The following SNED1 variants were observed in gnomAD, a reference collection of about 807,000 sequenced individuals.
SNED1 encodes the protein sushi, nidogen and EGF like domains 1, also known as sushi, nidogen and EGF-like domain-containing protein 1.
In SNED1, 81 loss-of-function variants were observed where a neutral mutation model predicts 166.7. The ratio of observed to expected loss-of-function variants is 0.49; its 90% CI spans 0.41 to 0.58. The LOEUF (loss-of-function observed/expected upper bound fraction) is 0.58. Among genes scored for constraint, SNED1 ranks in the 20% least tolerant of loss-of-function variants. The probability of loss-of-function intolerance (pLI) is 0.00; values close to 1 mark genes in which losing one functional copy is unlikely to be tolerated. For missense variants in SNED1, 1,604 were observed against 2,000.2 expected (o/e 0.80, Z 3.78); for synonymous variants, 762 against 822.0 (o/e 0.93, Z 1.25).
At chr2:241,040,603 A>G (rs546275903) in intron 8 of SNED1, among the ~76,000 whole-genome samples, 190 bp downstream of exon 8, 5 of 152,198 alleles carry the variant, frequency 3.3e-5, no homozygotes, top group South Asian at 2.1e-4. Flanking sequence ...TAAGCCACCA[A>G]CTGCAGGGAA....
chr2:241,071,599 C>A lies in SNED1; in HGVS notation c.3613C>A (p.Arg1205Ser), dbSNP rs528746195. 4 of 1,588,384 alleles carry A rather than the reference C, an allele frequency of 2.5e-6. No individual in the cohort carries two copies. Among genetic ancestry groups the A allele is most frequent in the East Asian group, 4.5e-5 (2 of 44,220 alleles). Residue 1205 changes from arginine to serine, a missense_variant, in exon 25 of 32, where the codon CGC (arginine) becomes AGC (serine). By Grantham distance (110) the Arg-to-Ser change is moderately radical (BLOSUM62 -1). Transcript: ENST00000310397. ...AGCCCCCAGGGATGGCGCTGACAGA[C>A]GCTGGCACCAGGGAGGACACCACCC... Reference protein sequence around the residue: ...ITSPRDGADRRWHQGGHHPRV... With the variant: ...ITSPRDGADRSWHQGGHHPRV...
chr2:241,042,696 A>G (rs1480627867), intron 8 of SNED1, among the ~76,000 whole-genome samples: 1 of 152,132 alleles, frequency 6.6e-6, no homozygotes. Context: ...AAACTTGTAG[A>G]AATGAAAAAT....
At chr2:241,002,106 C>T (rs2060094030) in intron 1 of SNED1, among the ~76,000 whole-genome samples, 1 of 152,160 alleles carries the variant, frequency 6.6e-6, no homozygotes, top group African/African-American at 2.4e-5. Context: ...CAGCCTGTGA[C>T]CTTTGCCTGG....
At chr2:241,057,439 A>T (rs112223395) in intron 16 of SNED1, among the ~76,000 whole-genome samples, 1 of 142,760 alleles carries the variant, frequency 7.0e-6, no homozygotes, top group Non-Finnish European at 1.5e-5. Context: ...CACACATATA[A>T]TGGGAGGTCA....
chr2:241,009,947 G>A (rs1472242820), intron 1 of SNED1: 2 of 152,266 alleles, frequency 1.3e-5, no homozygotes, highest in Admixed American at 1.3e-4. Context: ...CAGCCCCGGA[G>A]GCCCTGCCCA....
intron 30 of SNED1, 107 bp from the exon 31 acceptor site, chr2:241,088,258 T>A (rs1014194386): frequency 1.6e-5 from 13 of 799,838 alleles, no homozygotes; most frequent in Non-Finnish European, 2.9e-5. Flanking sequence ...GTGGAATGTA[T>A]GTGAGCTAAA....
chr2:241,027,969 G>A (rs183638480), intron 1 of SNED1, among the ~76,000 whole-genome samples: 2,146 of 152,074 alleles, frequency 0.014, 22 homozygotes, highest in Non-Finnish European at 0.015. Context: ...TCCTGACCTC[G>A]TGATCCACCC....
At chr2:241,023,887 C>CTTTT (rs2060846825) in intron 1 of SNED1, among the ~76,000 whole-genome samples, 7 of 71,616 alleles carry the variant, frequency 9.8e-5, no homozygotes, top group East Asian at 5.0e-4. Flanking sequence ...CTTTTTTTTT[C>CTTTT]CTTTTTTTTT....
chr2:241,016,284 AC>A (rs1221332821), intron 1 of SNED1, among the ~76,000 whole-genome samples: 3 of 145,380 alleles, frequency 2.1e-5, no homozygotes, highest in Non-Finnish European at 4.5e-5. Context: ...AAGCTCCACC[AC>A]CCGGGGTTCA....
intron 1 of SNED1, among the ~76,000 whole-genome samples, chr2:241,014,288 C>G (rs1008793593): frequency 1.3e-5 from 2 of 152,170 alleles, no homozygotes; most frequent in Admixed American, 6.5e-5. Context: ...AGCCACCATG[C>G]CAGGCCTAGA....
At chr2:241,053,729 C>T (rs1427274599) in intron 16 of SNED1, among the ~76,000 whole-genome samples, 1 of 152,186 alleles carries the variant, frequency 6.6e-6, no homozygotes, top group African/African-American at 2.4e-5. Context: ...ATCCCCCTTC[C>T]CCCTGCAGGC....
At position 240,999,551 on chromosome 2, in the gene SNED1, A is replaced by T. The variant is rs2060012386; in HGVS notation, c.213+501A>T. Among the ~76,000 whole-genome samples the T allele has an allele frequency of 6.6e-6, 1 of 152,186 alleles. No homozygotes were observed. The highest frequency in any genetic ancestry group is 1.5e-5 in the Non-Finnish European group (1 of 68,004). On this transcript the variant is annotated intron_variant, in intron 1 of 31. Coordinates refer to ENST00000310397, the MANE Select transcript of SNED1 (RefSeq NM_001080437.3). This position sits in a 1 kb window ranked among gnomAD's most constrained non-coding sequence, Gnocchi z 5.8. ...GGCTGGACCCCTTGCCCAGGCGCTC[A>T]GGGCAGGGCCTGCTTCTTCGCTGAC... is the stretch of plus-strand genomic sequence containing the variant.
At chr2:241,072,602 G>C (rs2062786884) in intron 26 of SNED1, 1 of 266,998 alleles carries the variant, frequency 3.7e-6, no homozygotes, top group African/African-American at 2.3e-5. Context: ...GGGAAATGCA[G>C]CAAGGAGAGT....
rs1458063810 is a variant in SNED1, at chr2:241,094,419, G to GT, written c.*2784dup. ...AAGTCTTTTTCTTTGCAGTCACGCT[G>GT]TAAGACGAGGCTGCTGGAGAAAACA... is the stretch of plus-strand genomic sequence containing the variant. On this transcript the variant is annotated 3_prime_UTR_variant, in exon 32 of 32. Transcript: ENST00000310397. This position sits in a 1 kb window ranked among gnomAD's most constrained non-coding sequence, Gnocchi z 4.3. 2.1e-6 allele frequency: 1 copy of GT among 471,232 alleles called. No individual in the cohort carries two copies. The highest frequency in any genetic ancestry group is 2.3e-5 in the Admixed American group (1 of 42,572). 29.2% of individuals were successfully genotyped at this position (471,232 alleles called of 1,614,324 possible).
At chr2:241,042,110 C>G (rs1277460362) in intron 8 of SNED1, among the ~76,000 whole-genome samples, 1 of 152,062 alleles carries the variant, frequency 6.6e-6, no homozygotes, top group African/African-American at 2.4e-5. Context: ...GACAAAGATC[C>G]TAGTTCAGTG....
chr2:241,024,941 T>C (rs2060908551), intron 1 of SNED1, among the ~76,000 whole-genome samples: 1 of 152,206 alleles, frequency 6.6e-6, no homozygotes, highest in South Asian at 2.1e-4. Flanking sequence ...CCCAAAGTGT[T>C]GGGATTACAG....
chr2:241,021,961 CAGGTGAAA>C, intron 1 of SNED1, among the ~76,000 whole-genome samples: 1 of 132,376 alleles, frequency 7.6e-6, no homozygotes, highest in East Asian at 2.0e-4. Flanking sequence ...GCCATCCTGC[CAGGTGAAA>C]AGTGGTATCT....
In SNED1 at chr2:241,056,170, A is replaced by G. The variant is rs530474161; in HGVS notation, c.2257+2844A>G. Among the ~76,000 whole-genome samples the G allele has an allele frequency of 3.9e-5, 6 of 152,366 alleles. No individual in the cohort carries two copies. In the South Asian group the frequency reaches 1.2e-3, roughly 32 times the overall value. ...ATGAAAAATTTTCTTTATGTTAAAGAAAAACGAGAGGCAGAATGATTGAGA... is the reference window on the plus strand; with the variant it reads ...ATGAAAAATTTTCTTTATGTTAAAGGAAAACGAGAGGCAGAATGATTGAGA... On this transcript the variant is annotated intron_variant, in intron 16 of 31. Transcript: ENST00000310397.
Position 241,030,421 on chromosome 2 carries a change from C to T in SNED1, c.351C>T (p.Tyr117=), listed in dbSNP as rs776713727. ...ACAACCGGCGTGCAGGCGACGTGTA[C>T]TACCGGGAGGCCACCGACCCAGCCA... ...DVDNRRAGDV[Y]YREATDPAML... Residue 117 remains tyrosine (Y), a synonymous_variant, in exon 2 of 32, where the codon TAC becomes TAT. Coordinates refer to ENST00000310397, the MANE Select transcript of SNED1 (RefSeq NM_001080437.3). 33 of 1,613,330 alleles carry T rather than the reference C, an allele frequency of 2.0e-5. No individual in the cohort carries two copies. The highest frequency in any genetic ancestry group is 2.7e-5 in the Non-Finnish European group (32 of 1,179,782).
Sources: allele counts gnomAD v4.1 joint callset (sites outside exome capture counted in the v4.1 genomes callset), GRCh38; gene constraint gnomAD v4.1.1; non-coding constraint Gnocchi (gnomAD v3.1); transcripts MANE v1.5; gene names NCBI Gene and HGNC (gene_info 2026-07-23, HGNC 2026-07-21).